TASP1: variants seen among roughly 807,000 people sequenced by gnomAD.
TASP1 encodes the protein taspase 1.
A neutral mutation model predicts 56.6 loss-of-function variants in TASP1; 16 were observed. The observed-to-expected ratio is 0.28, with a 90% CI of 0.19 to 0.43. The LOEUF (loss-of-function observed/expected upper bound fraction) is 0.43, where lower values mean the gene tolerates loss of function less well. Ranked by LOEUF, TASP1 falls within the 20% of genes least tolerant of loss-of-function variation. The pLI is 1.00. For synonymous variants in TASP1, 179 were observed against 184.2 expected (o/e 0.97, Z 0.23); for missense variants, 393 against 511.6 (o/e 0.77, Z 2.24).
the TASP1 span, among the ~76,000 whole-genome samples, chr20:13,129,052 T>G: frequency 6.6e-6 from 1 of 151,984 alleles, no homozygotes; most frequent in Non-Finnish European, 1.5e-5. Context: ...ATTTTTGTAT[T>G]TTTAGTAGAG....
chr20:13,319,967 C>T, the TASP1 span, among the ~76,000 whole-genome samples: 1 of 152,198 alleles, frequency 6.6e-6, no homozygotes, highest in Non-Finnish European at 1.5e-5. Context: ...GAAGAAAGCA[C>T]AGGCAGTTCT....
intron 10 of TASP1, among the ~76,000 whole-genome samples, chr20:13,484,097 C>G (rs1311242769): frequency 6.6e-6 from 1 of 152,104 alleles, no homozygotes; most frequent in African/African-American, 2.4e-5. Context: ...CAAATCAAAA[C>G]CACAATGAGA....
chr20:13,520,368 A>G (rs1473988871), intron 10 of TASP1, among the ~76,000 whole-genome samples: 1 of 152,210 alleles, frequency 6.6e-6, no homozygotes, highest in African/African-American at 2.4e-5. Context: ...CCTGACTTCA[A>G]ACTATATTAT....
chr20:13,259,289 A>AG, the TASP1 span, among the ~76,000 whole-genome samples: 3 of 151,734 alleles, frequency 2.0e-5, no homozygotes, highest in African/African-American at 7.3e-5. Context: ...TCAAAAAAAA[A>AG]AAAACAAAAA....
chr20:13,234,387 G>C, the TASP1 span, among the ~76,000 whole-genome samples: 1 of 152,162 alleles, frequency 6.6e-6, no homozygotes, highest in African/African-American at 2.4e-5. Flanking sequence ...TGTCTTTGCT[G>C]TTGTGAATAG....
chr20:13,339,132 G>A, the TASP1 span, among the ~76,000 whole-genome samples: 2 of 152,178 alleles, frequency 1.3e-5, no homozygotes, highest in African/African-American at 4.8e-5. Context: ...AGTTGAACAC[G>A]AGGTCACATG....
the TASP1 span, among the ~76,000 whole-genome samples, chr20:13,263,169 T>C: frequency 3.3e-5 from 5 of 152,176 alleles, 1 homozygote; most frequent in Admixed American, 1.3e-4. Context: ...GCCATTGACA[T>C]TTGCTCTGTT....
intron 12 of TASP1, among the ~76,000 whole-genome samples, chr20:13,417,812 A>G (rs1600727354): frequency 6.6e-6 from 1 of 152,092 alleles, no homozygotes; most frequent in Non-Finnish European, 1.5e-5. Context: ...ACACACTCGT[A>G]CATACGGTAC....
At chr20:13,323,012 C>T in the TASP1 span, among the ~76,000 whole-genome samples, 1 of 152,098 alleles carries the variant, frequency 6.6e-6, no homozygotes, top group Non-Finnish European at 1.5e-5. Flanking sequence ...GAAAACGCCA[C>T]AGTCCTTCCT....
chr20:13,337,327 T>C, the TASP1 span, among the ~76,000 whole-genome samples: 1 of 152,192 alleles, frequency 6.6e-6, no homozygotes, highest in Non-Finnish European at 1.5e-5. Context: ...GCCGAGGTCA[T>C]TGCCAGCTAT....
At chr20:13,117,993 C>A in the TASP1 span, among the ~76,000 whole-genome samples, 2 of 151,984 alleles carry the variant, frequency 1.3e-5, no homozygotes, top group Admixed American at 6.6e-5. Context: ...AAGTACCAGG[C>A]AGAGGAATAA....
the TASP1 span, among the ~76,000 whole-genome samples, chr20:13,128,072 A>T: frequency 6.6e-6 from 1 of 152,362 alleles, no homozygotes; most frequent in African/African-American, 2.4e-5. Flanking sequence ...TGAGAAAAAC[A>T]ATATTTATGA....
the TASP1 span, among the ~76,000 whole-genome samples, chr20:13,209,087 G>C: frequency 2.6e-5 from 4 of 152,108 alleles, no homozygotes; most frequent in Non-Finnish European, 5.9e-5. Flanking sequence ...AGGCCTCTTG[G>C]AGTGTCCACT....
At chr20:13,105,306 A>C in the TASP1 span, among the ~76,000 whole-genome samples, 2 of 152,094 alleles carry the variant, frequency 1.3e-5, no homozygotes, top group Non-Finnish European at 2.9e-5. Flanking sequence ...TCTGCTCAAG[A>C]ATCCTGGTGT....
the TASP1 span, among the ~76,000 whole-genome samples, chr20:13,200,059 C>T: frequency 6.6e-6 from 1 of 152,182 alleles, no homozygotes; most frequent in Non-Finnish European, 1.5e-5. Flanking sequence ...ATAAATATAA[C>T]TTGATTTCCC....
intron 2 of TASP1, among the ~76,000 whole-genome samples, chr20:13,626,268 T>C (rs962999614): frequency 2.0e-5 from 3 of 151,654 alleles, no homozygotes; most frequent in Non-Finnish European, 4.4e-5. Flanking sequence ...CTCCTAAAAA[T>C]ACAAAAAAAG....
At chr20:13,333,410 TGCAACATCAGTCAAGA>T in the TASP1 span, among the ~76,000 whole-genome samples, 3 of 152,146 alleles carry the variant, frequency 2.0e-5, no homozygotes, top group Admixed American at 6.5e-5. Context: ...CCTTAGAAAT[TGCAACATCAGTCAAGA>T]GCAAGATGAG....
chr20:13,308,362 C>T, the TASP1 span, among the ~76,000 whole-genome samples: 2 of 152,122 alleles, frequency 1.3e-5, no homozygotes, highest in Non-Finnish European at 2.9e-5. Flanking sequence ...AGAATTTATA[C>T]ATTATTATTT....
the TASP1 span, among the ~76,000 whole-genome samples, chr20:13,188,343 T>A: frequency 6.6e-6 from 1 of 152,170 alleles, no homozygotes; most frequent in Non-Finnish European, 1.5e-5. Context: ...TTGAGTAAAG[T>A]TGCAGGATAC....
Sources: allele counts gnomAD v4.1 joint callset (sites outside exome capture counted in the v4.1 genomes callset), GRCh38; gene constraint gnomAD v4.1.1; transcripts MANE v1.5; gene names NCBI Gene and HGNC (gene_info 2026-07-23, HGNC 2026-07-21).